DPP10: variants seen among roughly 807,000 people sequenced by gnomAD.
DPP10 encodes inactive dipeptidyl peptidase 10.
DPP10 carries 33 observed loss-of-function variants against 120.9 expected under a neutral mutation model. The ratio of observed to expected loss-of-function variants is 0.27; its 90% confidence interval spans 0.21 to 0.37. DPP10 has a LOEUF of 0.37. Ranked by LOEUF, DPP10 falls within the 10% of genes least tolerant of loss-of-function variation. The pLI, the probability that DPP10 is intolerant of heterozygous loss-of-function variation, is 1.00. For missense variants in DPP10, 816 were observed against 942.8 expected (o/e 0.87, Z 1.76); for synonymous variants, 337 against 326.1 (o/e 1.03, Z -0.36).
chr2:115,219,490 GTTCT>G (rs1295110994), intron 1 of DPP10, among the ~76,000 whole-genome samples: 6 of 151,968 alleles, frequency 3.9e-5, no homozygotes, highest in Non-Finnish European at 7.4e-5. Flanking sequence ...TCTTACTACT[GTTCT>G]TTCTTTGTCC....
At chr2:114,804,331 G>T (rs1684535570) in intron 1 of DPP10, among the ~76,000 whole-genome samples, 2 of 152,232 alleles carry the variant, frequency 1.3e-5, no homozygotes, top group South Asian at 4.1e-4. Flanking sequence ...GAAATGTGGG[G>T]TTGGAGACCC....
intron 1 of DPP10, among the ~76,000 whole-genome samples, chr2:114,900,455 A>G (rs1294885254): frequency 6.6e-6 from 1 of 152,158 alleles, no homozygotes; most frequent in Admixed American, 6.5e-5. Context: ...CATTTGATTG[A>G]TTGCTAAGGA....
At chr2:114,875,107 G>A (rs1691045230) in intron 1 of DPP10, among the ~76,000 whole-genome samples, 1 of 152,122 alleles carries the variant, frequency 6.6e-6, no homozygotes, top group African/African-American at 2.4e-5. Flanking sequence ...TTGGAATTTT[G>A]TAGCTTGCCT....
chr2:114,521,257 C>CACAG (rs1685027304), intron 1 of DPP10, among the ~76,000 whole-genome samples: 1 of 150,042 alleles, frequency 6.7e-6, no homozygotes, highest in Non-Finnish European at 1.5e-5. Flanking sequence ...CACAGACACA[C>CACAG]ACACACACAC....
At chr2:115,264,549 A>G (rs2059382720) in intron 1 of DPP10, among the ~76,000 whole-genome samples, 1 of 152,214 alleles carries the variant, frequency 6.6e-6, no homozygotes, top group Non-Finnish European at 1.5e-5. Context: ...GAGGAGCATT[A>G]TAGAGGCATT....
chr2:115,797,247 T>C (rs1251012664), intron 19 of DPP10, among the ~76,000 whole-genome samples: 1 of 152,066 alleles, frequency 6.6e-6, no homozygotes, highest in Admixed American at 6.6e-5. Context: ...TGAATTCTCA[T>C]CAAAATGTTC....
intron 5 of DPP10, among the ~76,000 whole-genome samples, chr2:115,615,567 A>G (rs547676406): frequency 4.6e-5 from 7 of 152,314 alleles, no homozygotes; most frequent in African/African-American, 7.2e-5. Context: ...AATCATTTTT[A>G]TTAAGAAAAA....
At chr2:115,252,639 G>A (rs564358493) in intron 1 of DPP10, among the ~76,000 whole-genome samples, 1 of 152,198 alleles carries the variant, frequency 6.6e-6, no homozygotes, top group Admixed American at 6.5e-5. Flanking sequence ...AATGGGTTTG[G>A]TGTTCACTGG....
intron 3 of DPP10, among the ~76,000 whole-genome samples, chr2:115,380,914 A>C (rs145262084): frequency 6.6e-6 from 1 of 152,146 alleles, no homozygotes; most frequent in Non-Finnish European, 1.5e-5. Context: ...GTTTCTGCCT[A>C]GAGATCCGCT....
chr2:115,210,846 G>A (rs1316737296), intron 1 of DPP10, among the ~76,000 whole-genome samples: 6 of 151,876 alleles, frequency 4.0e-5, no homozygotes, highest in African/African-American at 7.3e-5. Flanking sequence ...CATATCCTTC[G>A]CCCACTTTTT....
chr2:115,480,925 A>C (rs920174265), intron 3 of DPP10, among the ~76,000 whole-genome samples: 2 of 152,188 alleles, frequency 1.3e-5, no homozygotes, highest in East Asian at 3.9e-4. Context: ...CTTTAGGTCC[A>C]GATCTTTAGC....
chr2:115,110,459 G>C (rs2049159553), intron 1 of DPP10, among the ~76,000 whole-genome samples: 1 of 152,146 alleles, frequency 6.6e-6, no homozygotes, highest in South Asian at 2.1e-4. Context: ...TGCTTTAGCA[G>C]TGTATGAAAG....
chr2:115,479,006 A>G (rs1199864405), intron 3 of DPP10, among the ~76,000 whole-genome samples: 1 of 152,202 alleles, frequency 6.6e-6, no homozygotes, highest in Admixed American at 6.5e-5. Flanking sequence ...GTTTCCTCAC[A>G]AAATTAAATG....
intron 1 of DPP10, among the ~76,000 whole-genome samples, chr2:114,950,668 C>T (rs1004541650): frequency 1.2e-4 from 18 of 151,762 alleles, no homozygotes; most frequent in South Asian, 8.3e-4. Context: ...ACTTATAGGA[C>T]CCTATCTTGT....
At chr2:114,702,581 C>G (rs959472874) in intron 1 of DPP10, among the ~76,000 whole-genome samples, 12 of 152,020 alleles carry the variant, frequency 7.9e-5, no homozygotes, top group African/African-American at 4.8e-5. Flanking sequence ...ATACTTGGCT[C>G]CTTCTCCCTG....
Position 115,248,931 on chromosome 2 carries a change from A to C in DPP10, c.61-60308A>C, listed in dbSNP as rs2058644945. Among the ~76,000 whole-genome samples, 4 of 152,238 alleles carry C rather than the reference A, an allele frequency of 2.6e-5. No homozygotes were observed. In the South Asian group the frequency reaches 8.3e-4, roughly 32 times the overall value. On this transcript the variant is annotated intron_variant, in intron 1 of 25. Coordinates refer to ENST00000410059, the MANE Select transcript of DPP10 (RefSeq NM_020868.6). ...CTTTCAAAGTAAGTGGCTAAGGAAA[A>C]TTTTGCTACATCTTTCATGAATGTC...
chr2:114,767,843 G>A (rs889942761), intron 1 of DPP10, among the ~76,000 whole-genome samples: 3 of 152,126 alleles, frequency 2.0e-5, no homozygotes, highest in African/African-American at 7.2e-5. Context: ...CAGAGAGGCC[G>A]AGCATGGTGG....
intron 8 of DPP10, among the ~76,000 whole-genome samples, chr2:115,733,365 C>T (rs951002879): frequency 1.5e-4 from 23 of 152,116 alleles, no homozygotes; most frequent in African/African-American, 5.6e-4. Context: ...CACAGGAAGG[C>T]AGGGTTATCA....
chr2:115,202,704 G>A (rs537762393), intron 1 of DPP10, among the ~76,000 whole-genome samples: 1 of 152,284 alleles, frequency 6.6e-6, no homozygotes, highest in Non-Finnish European at 1.5e-5. Context: ...ATGAGTAAAT[G>A]TTTTATTTCT....
Sources: allele counts gnomAD v4.1 joint callset (sites outside exome capture counted in the v4.1 genomes callset), GRCh38; gene constraint gnomAD v4.1.1; transcripts MANE v1.5; gene names NCBI Gene and HGNC (gene_info 2026-07-23, HGNC 2026-07-21).